Variants in PUM1 observed in about 807,000 individuals in gnomAD.
The protein encoded by PUM1 is pumilio RNA binding family member 1.
PUM1 carries 13 observed loss-of-function variants against 131.8 expected under a neutral mutation model. The observed-to-expected ratio is 0.10, with a 90% confidence interval of 0.06 to 0.16. The LOEUF is 0.16. Ranked by LOEUF, PUM1 falls within the 10% of genes least tolerant of loss-of-function variation. PUM1 has a pLI of 1.00. For missense variants in PUM1, 961 were observed against 1,512.4 expected, an observed-to-expected ratio of 0.64 and a Z score of 6.05; for synonymous variants, 509 against 556.5, an observed-to-expected ratio of 0.91 and a Z score of 1.20.
chr1:30,984,927 C>A (rs1424578798), intron 7 of PUM1, among the ~76,000 whole-genome samples: 4 of 152,082 alleles, frequency 2.6e-5, no homozygotes, highest in African/African-American at 4.8e-5. Flanking sequence ...CCCCACTCCC[C>A]CCTGGCCACC....
intron 18 of PUM1, among the ~76,000 whole-genome samples, chr1:30,942,991 A>G (rs1420460689): frequency 6.6e-6 from 1 of 152,180 alleles, no homozygotes; most frequent in Non-Finnish European, 1.5e-5. Context: ...CCTAGCCTTA[A>G]GCAATCCTCC....
chr1:31,037,954 C>G (rs1643668307), intron 2 of PUM1, among the ~76,000 whole-genome samples: 1 of 151,692 alleles, frequency 6.6e-6, no homozygotes, highest in Non-Finnish European at 1.5e-5. Context: ...TGGCAGGGGC[C>G]TGTAGTCCCA....
intron 9 of PUM1, among the ~76,000 whole-genome samples, chr1:30,975,517 ATTTTTTTTT>A (rs751510345): frequency 1.9e-4 from 16 of 84,166 alleles, no homozygotes; most frequent in East Asian, 3.3e-4. Flanking sequence ...TACCTGACTA[ATTTTTTTTT>A]TTTTTTTTTT....
At chr1:31,043,560 T>C (rs1643888104) in intron 2 of PUM1, among the ~76,000 whole-genome samples, 1 of 152,134 alleles carries the variant, frequency 6.6e-6, no homozygotes, top group Admixed American at 6.6e-5. Flanking sequence ...TAACCAAGAC[T>C]AGGTTAATGA....
At chr1:30,934,834 T>A (rs1570066528) in intron 21 of PUM1, among the ~76,000 whole-genome samples, 1 of 152,076 alleles carries the variant, frequency 6.6e-6, no homozygotes, top group South Asian at 2.1e-4. Context: ...AAAAAACCCC[T>A]AACAAGCCAC....
intron 3 of PUM1, among the ~76,000 whole-genome samples, chr1:31,021,607 A>G (rs1167242551): frequency 6.6e-6 from 1 of 152,194 alleles, no homozygotes; most frequent in African/African-American, 2.4e-5. Flanking sequence ...AAACTGGGCC[A>G]TGATTGTTGA....
At chr1:31,047,755 A>G (rs919936940) in intron 2 of PUM1, among the ~76,000 whole-genome samples, 2 of 152,238 alleles carry the variant, frequency 1.3e-5, no homozygotes, top group African/African-American at 4.8e-5. Context: ...CATCCTGGCC[A>G]ACACGGTGAA....
chr1:30,954,861 G>A (rs1020366405), intron 14 of PUM1, among the ~76,000 whole-genome samples: 1 of 151,802 alleles, frequency 6.6e-6, no homozygotes, highest in Non-Finnish European at 1.5e-5. Flanking sequence ...CTAAGAGTTC[G>A]AGACCAGCCT....
intron 14 of PUM1, among the ~76,000 whole-genome samples, chr1:30,957,087 TACACACACACACACACACACAC>T (rs58044891): frequency 7.1e-6 from 1 of 139,904 alleles, no homozygotes; most frequent in Non-Finnish European, 1.5e-5. Context: ...AGGACATTCA[TACACACACACACACACACACAC>T]ACACACACAC....
intron 7 of PUM1, among the ~76,000 whole-genome samples, chr1:30,983,962 T>C (rs1407717830): frequency 2.0e-5 from 3 of 152,132 alleles, no homozygotes; most frequent in African/African-American, 4.8e-5. Flanking sequence ...TATCTGTAAA[T>C]ATACACGGAA....
chr1:30,935,586 A>G, intron 21 of PUM1: 1 of 442,920 alleles, frequency 2.3e-6, no homozygotes, highest in Admixed American at 2.4e-5. Context: ...AAAACTTACA[A>G]CTTTAAGAAC....
At chr1:30,958,033 A>C (rs1230043956) in intron 14 of PUM1, among the ~76,000 whole-genome samples, 1 of 152,220 alleles carries the variant, frequency 6.6e-6, no homozygotes, top group Non-Finnish European at 1.5e-5. Flanking sequence ...GAGAAATCAC[A>C]AAATATTCAT....
At chr1:30,953,674 C>A in intron 15 of PUM1, 40 bp downstream of exon 15, 2 of 1,608,078 alleles carry the variant, frequency 1.2e-6, no homozygotes, top group Non-Finnish European at 1.7e-6. Flanking sequence ...TAAGGCATTA[C>A]AATTTCGGGT....
intron 18 of PUM1, among the ~76,000 whole-genome samples, chr1:30,944,155 G>A (rs1249353530): frequency 2.0e-5 from 3 of 152,094 alleles, no homozygotes; most frequent in African/African-American, 7.2e-5. Context: ...ATAACCACGT[G>A]GGTTGCTGTC....
chr1:30,933,484 A>C (rs113911756), intron 21 of PUM1, 142 bp from the exon 22 acceptor site: 871 of 712,010 alleles, frequency 1.2e-3, no homozygotes, highest in Middle Eastern at 2.1e-3. Flanking sequence ...ACACACACAC[A>C]CCCCTACAGC....
chr1:31,024,960 T>C (rs1643169154), intron 3 of PUM1, among the ~76,000 whole-genome samples: 1 of 152,228 alleles, frequency 6.6e-6, no homozygotes, highest in African/African-American at 2.4e-5. Flanking sequence ...TCTCTTCATA[T>C]ATAAATAAAA....
rs572398011 is a variant in PUM1 at position 30,974,888 on chromosome 1, T to A, written c.1355-86A>T. 395 of 999,762 alleles carry A rather than the reference T, an allele frequency of 4.0e-4. 1 individual carries two copies. Among genetic ancestry groups the A allele is most frequent in the Middle Eastern group, 3.1e-3 (10 of 3,252 alleles). The allele number at this position is 999,762 out of a possible 1,614,324, so 61.9% of individuals were successfully genotyped here. A position where few individuals can be genotyped will look rare whatever the true frequency, so the allele number is the denominator to read the frequency against. ...CCAAAATTACATCTGACTCAATAGA[T>A]CCTACTGTAAAATATTAACTTAAAA... On this transcript the variant is annotated intron_variant, in intron 9 of 21. Transcript: ENST00000426105.
intron 2 of PUM1, among the ~76,000 whole-genome samples, chr1:31,031,407 T>C (rs896521467): frequency 2.6e-5 from 4 of 152,370 alleles, no homozygotes; most frequent in East Asian, 1.9e-4. Flanking sequence ...TGTATATTTA[T>C]GTAGCCATCA....
chr1:31,046,477 C>T (rs1286058472), intron 2 of PUM1, among the ~76,000 whole-genome samples: 5 of 137,426 alleles, frequency 3.6e-5, no homozygotes, highest in Admixed American at 7.8e-5. Flanking sequence ...ATAACTGCAG[C>T]GGGGTTTTTG....
Sources: allele counts gnomAD v4.1 joint callset (sites outside exome capture counted in the v4.1 genomes callset), GRCh38; gene constraint gnomAD v4.1.1; transcripts MANE v1.5; gene names NCBI Gene and HGNC (gene_info 2026-07-23, HGNC 2026-07-21).